The following CLDN16 variants were observed in gnomAD, a reference collection of about 807,000 sequenced individuals.
The protein encoded by CLDN16 is claudin-16.
CLDN16 carries 13 observed loss-of-function variants against 24.6 expected under a neutral mutation model. The observed-to-expected ratio is 0.53, with a 90% CI of 0.34 to 0.84. The LOEUF (loss-of-function observed/expected upper bound fraction) is 0.84. Among genes scored for constraint, CLDN16 ranks in the 40% least tolerant of loss-of-function variants. The pLI, the probability that CLDN16 is intolerant of heterozygous loss-of-function variation, is 0.01. For synonymous variants in CLDN16, 116 were observed against 106.7 expected (o/e 1.09, Z -0.54); for missense variants, 298 against 292.7 (o/e 1.02, Z -0.13).
upstream of CLDN16, among the ~76,000 whole-genome samples, chr3:190,319,952 A>C (rs990828410): frequency 1.3e-5 from 2 of 152,172 alleles, no homozygotes; most frequent in African/African-American, 4.8e-5. Flanking sequence ...CCCTCTTCTG[A>C]GAATGGGTTT....
At chr3:190,386,524 G>A (rs190924832), upstream of CLDN16, among the ~76,000 whole-genome samples, 2 of 152,270 alleles carry the variant, frequency 1.3e-5, no homozygotes, top group East Asian at 3.9e-4. Context: ...ATACAATGTG[G>A]AAATGCTGGC....
rs916006045 is a variant in CLDN16, at chr3:190,381,095, G to A, written n.306+6492G>A. On this transcript the variant is annotated intron_variant and non_coding_transcript_variant, in intron 3 of 4. Coordinates refer to the CLDN16 transcript ENST00000468220. ...ATACAAATGACAAATAAACTACAAA[G>A]GCTGCAAATTCAGGAAGCCATTAGA... Among the ~76,000 whole-genome samples the A allele has an allele frequency of 7.9e-5, 12 of 152,200 alleles. 2 individuals are homozygous for A. Among genetic ancestry groups the A allele is most frequent in the Admixed American group, 7.9e-4 (12 of 15,278 alleles).
chr3:190,403,902 G>C (rs1719023857), intron 2 of CLDN16, among the ~76,000 whole-genome samples: 1 of 151,956 alleles, frequency 6.6e-6, no homozygotes, highest in African/African-American at 2.4e-5. Flanking sequence ...TAATTCATAA[G>C]CTGATAAGAA....
chr3:190,359,679 G>T (rs1717846012), intron 1 of CLDN16, among the ~76,000 whole-genome samples: 1 of 152,016 alleles, frequency 6.6e-6, no homozygotes, highest in Non-Finnish European at 1.5e-5. Context: ...CAACTAATGT[G>T]ATCTGTGCTT....
intron 3 of CLDN16, among the ~76,000 whole-genome samples, chr3:190,381,807 A>T (rs1718378686): frequency 6.6e-6 from 1 of 152,042 alleles, no homozygotes; most frequent in Admixed American, 6.6e-5. Flanking sequence ...GTTTATAGAG[A>T]GTATCCTACA....
At chr3:190,314,683 C>T in the CLDN16 span, among the ~76,000 whole-genome samples, 62 of 152,116 alleles carry the variant, frequency 4.1e-4, no homozygotes, top group African/African-American at 1.4e-3. Context: ...GGATTACAGA[C>T]GTGAGCCACT....
chr3:190,398,324 C>T (rs540533941), intron 1 of CLDN16, among the ~76,000 whole-genome samples: 34 of 152,304 alleles, frequency 2.2e-4, no homozygotes, highest in African/African-American at 7.5e-4. Flanking sequence ...GGCAAGGCTG[C>T]GCTGCCCCTG....
At chr3:190,365,863 G>A (rs1718012473) in intron 1 of CLDN16, among the ~76,000 whole-genome samples, 1 of 151,678 alleles carries the variant, frequency 6.6e-6, no homozygotes, top group Non-Finnish European at 1.5e-5. Flanking sequence ...CTGCTTGTTA[G>A]CCTAGAGGAG....
chr3:190,343,334 A>G (rs915501783), intron 1 of CLDN16, among the ~76,000 whole-genome samples: 1 of 152,162 alleles, frequency 6.6e-6, no homozygotes, highest in East Asian at 1.9e-4. Context: ...TGTGGAAGAA[A>G]GGGAAGCCTT....
In CLDN16 at chr3:190,410,138, T is replaced by TA; in HGVS notation, c.*102_*103insA. ...CAGGAACAGTTATTTAGAATTCATA[T>TA]TGAATTAAATTAATTGCTAGCTTAA... On this transcript the variant is annotated 3_prime_UTR_variant, in exon 5 of 5. Coordinates refer to ENST00000264734, the MANE Select transcript of CLDN16 (RefSeq NM_006580.4). The TA allele has an allele frequency of 5.5e-6, 7 of 1,279,554 alleles. No individual in the cohort carries two copies. The highest frequency in any genetic ancestry group is 8.0e-6 in the Non-Finnish European group (7 of 879,924). The allele number at this position is 1,279,554 out of a possible 1,614,324, so 79.3% of individuals were successfully genotyped here. A position where few individuals can be genotyped will look rare whatever the true frequency, so the allele number is the denominator to read the frequency against.
At chr3:190,404,270 GC>G (rs1209187025) in intron 2 of CLDN16, among the ~76,000 whole-genome samples, 1 of 151,920 alleles carries the variant, frequency 6.6e-6, no homozygotes, top group Admixed American at 6.6e-5. Context: ...TCCTGAACTG[GC>G]AAAAAGAAGT....
chr3:190,405,720 G>A (rs1719081227), intron 3 of CLDN16, among the ~76,000 whole-genome samples: 1 of 152,066 alleles, frequency 6.6e-6, no homozygotes, highest in South Asian at 2.1e-4. Flanking sequence ...AGATCATATT[G>A]TTATCCTCAC....
intron 1 of CLDN16, among the ~76,000 whole-genome samples, chr3:190,388,760 C>G (rs1259987047): frequency 6.6e-6 from 1 of 152,148 alleles, no homozygotes; most frequent in Non-Finnish European, 1.5e-5. Flanking sequence ...TCCATTGCTG[C>G]ATATATCATA....
chr3:190,409,778 C>A, intron 4 of CLDN16, 125 bp from the exon 5 acceptor site: 2 of 900,550 alleles, frequency 2.2e-6, no homozygotes, highest in Non-Finnish European at 3.5e-6. Context: ...TCTTAGAGTT[C>A]CAAAATGATA....
At position 190,388,360 on chromosome 3, in the gene CLDN16, T is replaced by G. The variant is rs749819466; in HGVS notation, c.31T>G (p.Phe11Val). 1.4e-4 allele frequency: 233 copies of G among 1,614,016 alleles called. 1 individual carries two copies. The highest frequency in any genetic ancestry group is 2.0e-4 in the Non-Finnish European group (231 of 1,180,020). Residue 11 changes from phenylalanine (F) to valine (V), a missense_variant, in exon 1 of 5, where the codon TTC becomes GTC. Transcript: ENST00000264734. MRDLLQYIAC[F>V]FAFFSAGFLI... Reference sequence around the variant, plus strand: ...GGATCTTCTTCAATACATCGCTTGCTTCTTTGCCTTTTTCTCTGCTGGGTT... The same window carrying G: ...GGATCTTCTTCAATACATCGCTTGCGTCTTTGCCTTTTTCTCTGCTGGGTT...
At chr3:190,367,921 T>C (rs566102911) in intron 1 of CLDN16, among the ~76,000 whole-genome samples, 10 of 152,064 alleles carry the variant, frequency 6.6e-5, no homozygotes, top group Admixed American at 6.5e-4. Context: ...GCAATCTGCA[T>C]TTTGATTACA....
At chr3:190,370,581 C>A (rs1381720191) in intron 1 of CLDN16, among the ~76,000 whole-genome samples, 1 of 151,896 alleles carries the variant, frequency 6.6e-6, no homozygotes, top group Non-Finnish European at 1.5e-5. Flanking sequence ...ATGAGCTAAA[C>A]CTACGTCATG....
rs1191842560 is a variant in CLDN16, at chr3:190,410,036, A to C, written c.708A>C (p.Ter236TyrextTer12). ...AKMYAVDTRV[*>Y] Reference sequence around the variant, plus strand: ...TGTATGCTGTAGACACAAGGGTGTAAAATGCACGTTTCAGGGTGTGTTTGC... The same window carrying C: ...TGTATGCTGTAGACACAAGGGTGTACAATGCACGTTTCAGGGTGTGTTTGC... Residue 236 changes from the stop codon to tyrosine (Y), a stop_lost, in exon 5 of 5, where the codon TAA becomes TAC. Coordinates refer to ENST00000264734, the MANE Select transcript of CLDN16 (RefSeq NM_006580.4). The C allele has an allele frequency of 6.2e-7, 1 of 1,614,132 alleles. No homozygotes were observed. The highest frequency in any genetic ancestry group is 1.1e-5 in the South Asian group (1 of 91,078).
chr3:190,303,042 A>T, the CLDN16 span, among the ~76,000 whole-genome samples: 6 of 152,000 alleles, frequency 3.9e-5, no homozygotes, highest in Admixed American at 2.0e-4. Flanking sequence ...TAAAATATTT[A>T]TTTCCACTTT....
Sources: allele counts gnomAD v4.1 joint callset (sites outside exome capture counted in the v4.1 genomes callset), GRCh38; gene constraint gnomAD v4.1.1; transcripts MANE v1.5; gene names NCBI Gene and HGNC (gene_info 2026-07-23, HGNC 2026-07-21).